Variants in ERG observed in about 807,000 individuals in gnomAD.
ERG encodes the protein transcriptional regulator ERG.
A neutral mutation model predicts 55.3 loss-of-function variants in ERG; 9 were observed. The observed-to-expected ratio is 0.16, with a 90% CI of 0.10 to 0.28. The LOEUF (loss-of-function observed/expected upper bound fraction) is 0.28, where lower values mean the gene tolerates loss of function less well. Ranked by LOEUF, ERG falls within the 10% of genes least tolerant of loss-of-function variation. ERG has a pLI of 1.00. For missense variants in ERG, 434 were observed against 631.6 expected (o/e 0.69, Z 3.35); for synonymous variants, 223 against 237.3 (o/e 0.94, Z 0.55).
chr21:38,446,858 T>C (rs1293131890), intron 1 of ERG, among the ~76,000 whole-genome samples: 1 of 152,122 alleles, frequency 6.6e-6, no homozygotes, highest in Non-Finnish European at 1.5e-5. Context: ...GGATTAGTGA[T>C]GGGAATGACT....
rs748796976 is a variant in ERG, at chr21:38,498,429, G to C, written c.-49C>G. 1 of 1,592,938 alleles carries C rather than the reference G, an allele frequency of 6.3e-7. No individual in the cohort carries two copies. Among genetic ancestry groups the C allele is most frequent in the African/African-American group, 1.3e-5 (1 of 74,162 alleles). Reference sequence around the variant, plus strand: ...TTAATAAATGTTAATAATAATTATTGCTTCTCTCTGACCAGAAAGTAGTTT... The same window carrying C: ...TTAATAAATGTTAATAATAATTATTCCTTCTCTCTGACCAGAAAGTAGTTT... On this transcript the variant is annotated 5_prime_UTR_variant, in exon 1 of 10. Coordinates refer to ENST00000288319, the MANE Select transcript of ERG (RefSeq NM_182918.4). The surrounding 1 kb of genome is among the most constrained non-coding windows in gnomAD (Gnocchi z 4.6).
chr21:38,391,249 G>A (rs1395903740), intron 8 of ERG, among the ~76,000 whole-genome samples: 1 of 152,138 alleles, frequency 6.6e-6, no homozygotes, highest in East Asian at 1.9e-4. Flanking sequence ...CCTAATTGGT[G>A]GCAGGGCTTG....
rs56711562 is a variant in ERG, at chr21:38,406,154, CA to C, written c.389-2446del. ...TGAGCGACAGAGCGAGACTCCATCT[CA>C]AAAAAAAAAAAAAAAAAAAATCATC... On this transcript the variant is annotated intron_variant, in intron 3 of 9. Transcript: ENST00000288319. Among the ~76,000 whole-genome samples the C allele has an allele frequency of 3.7e-4, 35 of 95,022 alleles. 1 individual carries two copies. Among genetic ancestry groups the C allele is most frequent in the African/African-American group, 9.1e-4 (22 of 24,288 alleles). The allele number at this position is 95,022 out of a possible 152,430, so 62.3% of individuals were successfully genotyped here. A position where few individuals can be genotyped will look rare whatever the true frequency, so the allele number is the denominator to read the frequency against.
intron 2 of ERG, among the ~76,000 whole-genome samples, chr21:38,520,141 G>A (rs779109891): frequency 1.1e-4 from 17 of 152,116 alleles, no homozygotes; most frequent in Non-Finnish European, 2.9e-5. Context: ...GGGGGAGAAG[G>A]GATAACCTTG....
upstream of ERG, among the ~76,000 whole-genome samples, chr21:38,585,105 A>T (rs1015824080): frequency 1.6e-4 from 24 of 152,370 alleles, no homozygotes; most frequent in African/African-American, 5.3e-4. Flanking sequence ...AAAAGAGGGG[A>T]CAACATTCCT....
intron 1 of ERG, among the ~76,000 whole-genome samples, chr21:38,624,366 C>G (rs944066351): frequency 9.2e-5 from 14 of 152,106 alleles, no homozygotes; most frequent in African/African-American, 3.4e-4. Flanking sequence ...ACCGAGATGA[C>G]GGGGTGATAG....
At position 38,575,739 on chromosome 21, in the gene ERG, AC is replaced by A. The variant is rs3833350; in HGVS notation, c.-119del. The A allele has an allele frequency of 1.4e-4, 228 of 1,613,256 alleles. No individual in the cohort carries two copies. The East Asian group carries it at 4.6e-3, about 33-fold the overall frequency. ...CCAGCCCATCTACCAGCTGTTCAGAACCTGACGGCTAGAAGACAAAAGGAAC... is the reference window on the plus strand; with the variant it reads ...CCAGCCCATCTACCAGCTGTTCAGAACTGACGGCTAGAAGACAAAAGGAAC... On this transcript the variant is annotated 5_prime_UTR_variant, in exon 2 of 9. Coordinates refer to the ERG transcript ENST00000398897.
chr21:38,431,502 C>T (rs796529093), intron 2 of ERG, among the ~76,000 whole-genome samples: 10 of 152,204 alleles, frequency 6.6e-5, no homozygotes, highest in African/African-American at 2.4e-4. Flanking sequence ...AAAATGATAA[C>T]ATAAATAATT....
intron 2 of ERG, among the ~76,000 whole-genome samples, chr21:38,514,401 C>A (rs552710137): frequency 4.0e-5 from 6 of 151,542 alleles, no homozygotes; most frequent in Non-Finnish European, 8.8e-5. Flanking sequence ...ACAGTATATA[C>A]GACAATAATA....
intron 1 of ERG, among the ~76,000 whole-genome samples, chr21:38,598,252 GA>G (rs1424651895): frequency 1.3e-5 from 2 of 152,228 alleles, no homozygotes; most frequent in African/African-American, 4.8e-5. Flanking sequence ...ACCTGCATCA[GA>G]ATCGCTGAGG....
At chr21:38,463,862 G>A (rs1237293475) in intron 1 of ERG, among the ~76,000 whole-genome samples, 4 of 152,168 alleles carry the variant, frequency 2.6e-5, no homozygotes, top group Non-Finnish European at 4.4e-5. Context: ...CAGTCTGCAC[G>A]TAATCCAGGC....
At chr21:38,553,987 G>T (rs2059841879) in intron 2 of ERG, among the ~76,000 whole-genome samples, 1 of 141,120 alleles carries the variant, frequency 7.1e-6, no homozygotes, top group Non-Finnish European at 1.6e-5. Context: ...AAATTAACAA[G>T]CAAAAAACAA....
At chr21:38,558,553 C>A in intron 2 of ERG, among the ~76,000 whole-genome samples, 1 of 152,152 alleles carries the variant, frequency 6.6e-6, no homozygotes, top group Non-Finnish European at 1.5e-5. Context: ...CATCAGTCTC[C>A]AAATCTTTGA....
chr21:38,512,169 G>A (rs914543092), intron 2 of ERG, among the ~76,000 whole-genome samples: 7 of 152,126 alleles, frequency 4.6e-5, no homozygotes, highest in African/African-American at 1.7e-4. Flanking sequence ...GGATGACCAC[G>A]AGTCACCATC....
intron 2 of ERG, among the ~76,000 whole-genome samples, chr21:38,545,574 CTT>C (rs1485035574): frequency 7.2e-5 from 11 of 152,324 alleles, no homozygotes; most frequent in African/African-American, 2.6e-4. Flanking sequence ...CAAAACATCT[CTT>C]GACTCCACTT....
At chr21:38,442,870 C>T (rs1358790709) in intron 2 of ERG, among the ~76,000 whole-genome samples, 3 of 152,134 alleles carry the variant, frequency 2.0e-5, no homozygotes, top group African/African-American at 4.8e-5. Flanking sequence ...TGCAGTGGCG[C>T]GATCTCGGCT....
At position 38,647,544 on chromosome 21, in the gene ERG, A is replaced by G. The variant is rs1379769955; in HGVS notation, c.-150+14114T>C. ...GTGAGGAGGGACAATTAGGAAAAAA[A>G]ATCAGAAAATGCTTTTTAGGAGGTT... On this transcript the variant is annotated intron_variant, in intron 1 of 10. Transcript: ENST00000398910. Among the ~76,000 whole-genome samples, 6 of 152,354 alleles carry G rather than the reference A, an allele frequency of 3.9e-5. No individual in the cohort carries two copies. In the South Asian group the frequency reaches 1.0e-3, roughly 26 times the overall value.
At chr21:38,431,927 TC>T (rs1990232074) in intron 2 of ERG, among the ~76,000 whole-genome samples, 1 of 152,040 alleles carries the variant, frequency 6.6e-6, no homozygotes, top group Non-Finnish European at 1.5e-5. Flanking sequence ...AGACGGCATG[TC>T]CCCAGCCTCT....
At position 38,403,506 on chromosome 21, in the gene ERG, T is replaced by C; in HGVS notation, c.592A>G (p.Thr198Ala). 2.5e-6 allele frequency: 4 copies of C among 1,614,002 alleles called. No individual in the cohort carries two copies. Among genetic ancestry groups the C allele is most frequent in the Non-Finnish European group, 3.4e-6 (4 of 1,179,920 alleles). The change falls in exon 4 of 10, where the codon ACT becomes GCT. Residue 198 changes from threonine to alanine, a missense_variant and splice_region_variant. Around this residue, in one of 5 missense-constraint regions of ERG, gnomAD observed 212 missense variants for 262.9 expected, o/e 0.81. Transcript: ENST00000288319. ...ATCCTTGGAGGAAGGGGGAGCTTAC[T>C]CTCTCTGAGGTAGTGGAGATGTGAG... is the stretch of plus-strand genomic sequence containing the variant. Reference protein sequence around the residue: ...LLSHLHYLRETPLPHLTSDDV... With the variant: ...LLSHLHYLREAPLPHLTSDDV...
Sources: gnomAD v4.1 joint callset for allele counts (sites outside exome capture counted in the v4.1 genomes callset) on GRCh38, gnomAD v4.1.1 for gene constraint, gnomAD v4.1.1 regional missense constraint, Gnocchi (gnomAD v3.1) non-coding constraint, MANE v1.5 for transcripts, NCBI Gene and HGNC (gene_info 2026-07-23, HGNC 2026-07-21) for gene names.